Variants in CAMK2A observed in about 807,000 individuals in gnomAD.
CAMK2A encodes calcium/calmodulin-dependent protein kinase type II subunit alpha.
CAMK2A carries 7 observed loss-of-function variants against 79.2 expected under a neutral mutation model. The observed-to-expected ratio is 0.09, with a 90% CI of 0.05 to 0.17. The LOEUF (loss-of-function observed/expected upper bound fraction) is 0.17, where lower values mean the gene tolerates loss of function less well. Ranked by LOEUF, CAMK2A falls within the 10% of genes least tolerant of loss-of-function variation. The pLI, the probability that CAMK2A is intolerant of heterozygous loss-of-function variation, is 1.00. For missense variants in CAMK2A, 214 were observed against 646.4 expected, an observed-to-expected ratio of 0.33 and a Z score of 7.25; for synonymous variants, 242 against 251.7, an observed-to-expected ratio of 0.96 and a Z score of 0.36.
intron 13 of CAMK2A, among the ~76,000 whole-genome samples, chr5:150,244,824 G>C (rs1435786783): frequency 6.6e-6 from 1 of 152,126 alleles, no homozygotes; most frequent in Non-Finnish European, 1.5e-5. Flanking sequence ...TCCTCTCCTT[G>C]CACCCTCTCT....
intron 13 of CAMK2A, among the ~76,000 whole-genome samples, chr5:150,243,055 G>T (rs1194461116): frequency 6.6e-6 from 1 of 152,234 alleles, no homozygotes; most frequent in Non-Finnish European, 1.5e-5. Flanking sequence ...GCAGTGGCCA[G>T]CAGAGCCCCA....
At position 150,253,478 on chromosome 5, in the gene CAMK2A, G is replaced by C; in HGVS notation, c.480C>G (p.Ala160=). Residue 160 remains alanine (A), a synonymous_variant, in exon 7 of 19, where the codon GCC becomes GCG. Transcript: ENST00000671881. ...AAVKLADFGL[A]IEVEGEQQAW... The stretch of plus-strand genomic sequence containing the variant: ...CCTGCTGCTCCCCCTCCACCTCTAT[G>C]GCCAGGCCAAAGTCTGCCAGCTTCA... 1 of 1,614,184 alleles carries C rather than the reference G, an allele frequency of 6.2e-7. No individual in the cohort carries two copies. Among genetic ancestry groups the C allele is most frequent in the Non-Finnish European group, 8.5e-7 (1 of 1,179,992 alleles).
At chr5:150,232,437 G>C (rs567194806) in intron 15 of CAMK2A, among the ~76,000 whole-genome samples, 46 of 152,336 alleles carry the variant, frequency 3.0e-4, no homozygotes, top group African/African-American at 8.9e-4. Context: ...CTGGGAGGTA[G>C]GCAAGGTCAG....
At chr5:150,271,448 G>A (rs990215161) in intron 2 of CAMK2A, among the ~76,000 whole-genome samples, 10 of 152,130 alleles carry the variant, frequency 6.6e-5, no homozygotes, top group African/African-American at 9.7e-5. Flanking sequence ...GAGGCCTGCC[G>A]GGAGGCCTGC....
intron 1 of CAMK2A, among the ~76,000 whole-genome samples, chr5:150,279,926 C>G (rs547018711): frequency 5.3e-5 from 8 of 152,316 alleles, no homozygotes; most frequent in African/African-American, 1.7e-4. Flanking sequence ...CCAAAGGGGC[C>G]CACTGCCCTC....
Position 150,221,524 on chromosome 5 carries a change from A to G in CAMK2A, c.*1186T>C. On this transcript the variant is annotated 3_prime_UTR_variant, in exon 19 of 19. Transcript: ENST00000671881. ...AGAGAAGACCCCAGTTTGCGAGGGAAGCAAAGAAAAGTCCAGGTATTTCCA... is the reference window on the plus strand; with the variant it reads ...AGAGAAGACCCCAGTTTGCGAGGGAGGCAAAGAAAAGTCCAGGTATTTCCA... 1 of 398,736 alleles carries G rather than the reference A, an allele frequency of 2.5e-6. No homozygotes were observed. The highest frequency in any genetic ancestry group is 4.4e-6 in the Non-Finnish European group (1 of 226,088). The allele number at this position is 398,736 out of a possible 1,614,324, so 24.7% of individuals were successfully genotyped here. A position where few individuals can be genotyped will look rare whatever the true frequency, so the allele number is the denominator to read the frequency against.
chr5:150,253,374 T>A (rs952353883), intron 7 of CAMK2A, 70 bp downstream of exon 7: 5 of 1,257,056 alleles, frequency 4.0e-6, no homozygotes, highest in Non-Finnish European at 5.8e-6. Flanking sequence ...GGCAGGGGGT[T>A]CCCAGAGGCT....
At chr5:150,224,689 C>G (rs1199519577) in intron 17 of CAMK2A, among the ~76,000 whole-genome samples, 1 of 151,958 alleles carries the variant, frequency 6.6e-6, no homozygotes, top group Non-Finnish European at 1.5e-5. Flanking sequence ...TCAGAGGTCA[C>G]CCAGCAGCCG....
In CAMK2A at chr5:150,239,654, AG is replaced by A. The variant is rs761353532; in HGVS notation, c.1017+49del. On this transcript the variant is annotated intron_variant, in intron 14 of 18. Transcript: ENST00000671881. ...AGCCTGCAGGAGGGAGGCAGGAGCA[AG>A]GGTTCGAGGCCCAGCATTTACCGGC... 3 of 1,590,282 alleles carry A rather than the reference AG, an allele frequency of 1.9e-6. No homozygotes were observed. In the South Asian group the frequency reaches 3.3e-5, roughly 18 times the overall value.
chr5:150,241,610 TCTC>T (rs1332061599), intron 13 of CAMK2A, among the ~76,000 whole-genome samples: 4 of 127,000 alleles, frequency 3.1e-5, no homozygotes, highest in Middle Eastern at 5.2e-3. Flanking sequence ...TCTCCTCTCT[TCTC>T]CTGTCCTCTC....
rs1210684265 is a variant in CAMK2A at position 150,223,915 on chromosome 5, AGTATATCTACTTCTACT to A, written c.1238-715_1238-699del. On this transcript the variant is annotated intron_variant, in intron 17 of 18. Coordinates refer to ENST00000671881, the MANE Select transcript of CAMK2A (RefSeq NM_015981.4). This position sits in a 1 kb window ranked among gnomAD's most constrained non-coding sequence, Gnocchi z 4.1. The stretch of plus-strand genomic sequence containing the variant: ...AGACACGGCCCGTGGGCCTGTCTGA[AGTATATCTACTTCTACT>A]GTATATCTACTTCTACTGTAGATAT... 2.0e-5 allele frequency among the ~76,000 whole-genome samples: 3 copies of A among 152,266 alleles called. No individual in the cohort carries two copies. The highest frequency in any genetic ancestry group is 1.9e-4 in the East Asian group (1 of 5,202).
At chr5:150,243,513 C>A (rs776545664) in intron 13 of CAMK2A, among the ~76,000 whole-genome samples, 1 of 152,094 alleles carries the variant, frequency 6.6e-6, no homozygotes, top group Non-Finnish European at 1.5e-5. Context: ...AAATTCAATG[C>A]CCGATTCCAT....
intron 13 of CAMK2A, among the ~76,000 whole-genome samples, chr5:150,240,608 CAAGCCAGGAGTCTTA>C (rs1313815591): frequency 1.3e-5 from 2 of 152,222 alleles, no homozygotes; most frequent in African/African-American, 4.8e-5. Flanking sequence ...CTCAGCTCTC[CAAGCCAGGAGTCTTA>C]AAGACTCCCA....
chr5:150,257,684 T>C, intron 3 of CAMK2A, 67 bp from the exon 4 acceptor site: 1 of 1,265,702 alleles, frequency 7.9e-7, no homozygotes. Flanking sequence ...CCTCCCTCTC[T>C]CCCCTCCCGT....
chr5:150,224,450 G>A (rs946053447), intron 17 of CAMK2A, among the ~76,000 whole-genome samples: 2 of 152,100 alleles, frequency 1.3e-5, no homozygotes, highest in African/African-American at 2.4e-5. Context: ...CCAGGTTTGT[G>A]AGCCACTTAT....
Position 150,221,328 on chromosome 5 carries a change from G to A in CAMK2A, c.*1382C>T. ...AAAGAAAGAGAGAATGCGAACCCGAGGCTGCAGGATGAGGCATGAAGAGTA... is the reference window on the plus strand; with the variant it reads ...AAAGAAAGAGAGAATGCGAACCCGAAGCTGCAGGATGAGGCATGAAGAGTA... On this transcript the variant is annotated 3_prime_UTR_variant, in exon 19 of 19. Transcript: ENST00000671881. 2.5e-6 allele frequency: 1 copy of A among 398,098 alleles called. No individual in the cohort carries two copies. Among genetic ancestry groups the A allele is most frequent in the Non-Finnish European group, 4.4e-6 (1 of 226,022 alleles). The allele number at this position is 398,098 out of a possible 1,614,324, so 24.7% of individuals were successfully genotyped here. A position where few individuals can be genotyped will look rare whatever the true frequency, so the allele number is the denominator to read the frequency against.
intron 13 of CAMK2A, among the ~76,000 whole-genome samples, chr5:150,243,062 C>T (rs991082335): frequency 2.0e-5 from 3 of 152,230 alleles, no homozygotes; most frequent in Non-Finnish European, 4.4e-5. Flanking sequence ...CCAGCAGAGC[C>T]CCACCATGCT....
At chr5:150,273,507 C>T (rs1756834407) in intron 1 of CAMK2A, among the ~76,000 whole-genome samples, 1 of 152,120 alleles carries the variant, frequency 6.6e-6, no homozygotes, top group Non-Finnish European at 1.5e-5. Context: ...AGTAGGTAAA[C>T]GTGGATATGG....
intron 1 of CAMK2A, among the ~76,000 whole-genome samples, chr5:150,289,124 G>A (rs2150315144): frequency 6.6e-6 from 1 of 152,328 alleles, no homozygotes; most frequent in Non-Finnish European, 1.5e-5. Flanking sequence ...CCGGGAGCTG[G>A]TGAATTCTCT....
Sources: gnomAD v4.1 joint callset for allele counts (sites outside exome capture counted in the v4.1 genomes callset) on GRCh38, gnomAD v4.1.1 for gene constraint, Gnocchi (gnomAD v3.1) non-coding constraint, MANE v1.5 for transcripts, NCBI Gene and HGNC (gene_info 2026-07-23, HGNC 2026-07-21) for gene names.